Variants in LRMDA observed in about 807,000 individuals in gnomAD.
LRMDA encodes the protein leucine-rich melanocyte differentiation-associated protein.
LRMDA carries 18 observed loss-of-function variants against 29.8 expected under a neutral mutation model. The ratio of observed to expected loss-of-function variants is 0.60; its 90% confidence interval spans 0.42 to 0.90. LRMDA has a LOEUF of 0.90. LRMDA is among the 40% of genes least tolerant of loss of function. The pLI, the probability that LRMDA is intolerant of heterozygous loss-of-function variation, is 0.00. For missense variants in LRMDA, 273 were observed against 273.9 expected (o/e 1.00, Z 0.02); for synonymous variants, 125 against 109.4 (o/e 1.14, Z -0.89).
intron 2 of LRMDA, among the ~76,000 whole-genome samples, chr10:75,895,167 G>A (rs11001539): frequency 8.5e-5 from 13 of 152,248 alleles, no homozygotes; most frequent in African/African-American, 3.1e-4. Flanking sequence ...GTGAGTGTTT[G>A]GACTTTATTC....
At chr10:76,231,442 C>T (rs1402446320) in intron 5 of LRMDA, among the ~76,000 whole-genome samples, 1 of 152,186 alleles carries the variant, frequency 6.6e-6, no homozygotes, top group Non-Finnish European at 1.5e-5. Context: ...GCTTAATACA[C>T]AAGTGTGGAG....
intron 5 of LRMDA, among the ~76,000 whole-genome samples, chr10:76,323,243 G>A (rs1225591967): frequency 2.6e-5 from 4 of 151,956 alleles, no homozygotes; most frequent in Non-Finnish European, 4.4e-5. Flanking sequence ...TTAGTCAAAC[G>A]TCTCAAATGT....
At chr10:75,642,960 G>A (rs886976598) in intron 2 of LRMDA, 1 of 152,152 alleles carries the variant, frequency 6.6e-6, no homozygotes. Flanking sequence ...CTTGTCTCTG[G>A]TCCACAAGCT....
intron 2 of LRMDA, among the ~76,000 whole-genome samples, chr10:75,487,919 C>T (rs1263459749): frequency 6.6e-6 from 1 of 152,168 alleles, no homozygotes; most frequent in East Asian, 1.9e-4. Flanking sequence ...GCTACTTCTG[C>T]TATTTTTGAA....
At chr10:76,380,323 A>T (rs746054386) in intron 6 of LRMDA, among the ~76,000 whole-genome samples, 118 of 151,950 alleles carry the variant, frequency 7.8e-4, no homozygotes, top group Non-Finnish European at 9.9e-4. Context: ...TCTGTTTCTA[A>T]TGTTATTTTC....
chr10:75,934,623 A>T (rs1487056686), intron 2 of LRMDA, among the ~76,000 whole-genome samples: 1 of 152,086 alleles, frequency 6.6e-6, no homozygotes, highest in Middle Eastern at 3.2e-3. Flanking sequence ...GCTCCTGGCT[A>T]GTGGGGAAGA....
At chr10:76,047,985 C>T (rs1417135148) in intron 4 of LRMDA, among the ~76,000 whole-genome samples, 1 of 152,162 alleles carries the variant, frequency 6.6e-6, no homozygotes, top group Admixed American at 6.6e-5. Context: ...TTTAGAGAGT[C>T]TTTTTGGTCT....
intron 2 of LRMDA, among the ~76,000 whole-genome samples, chr10:75,465,802 T>C (rs1844643250): frequency 6.6e-6 from 1 of 152,222 alleles, no homozygotes; most frequent in South Asian, 2.1e-4. Context: ...TCTCTCAGTT[T>C]GGATTTTTAT....
chr10:76,094,198 C>A (rs1156457938), intron 5 of LRMDA, among the ~76,000 whole-genome samples: 2 of 152,170 alleles, frequency 1.3e-5, no homozygotes, highest in Non-Finnish European at 2.9e-5. Flanking sequence ...GACTCCAAAT[C>A]TTTCTCTCAA....
At chr10:76,383,451 T>A in intron 6 of LRMDA, among the ~76,000 whole-genome samples, 1 of 131,044 alleles carries the variant, frequency 7.6e-6, no homozygotes, top group African/African-American at 3.0e-5. Flanking sequence ...TGAGACGGAG[T>A]CTCGCTCTGT....
intron 2 of LRMDA, among the ~76,000 whole-genome samples, chr10:75,697,851 G>GTGTGTGTGTGCGCGCGCA (rs1842256494): frequency 2.0e-5 from 2 of 99,082 alleles, no homozygotes; most frequent in African/African-American, 1.1e-4. Context: ...GTGTGTGTGT[G>GTGTGTGTGTGCGCGCGCA]CGTGTGTGTG....
intron 2 of LRMDA, among the ~76,000 whole-genome samples, chr10:75,998,533 T>C (rs1348454990): frequency 6.6e-6 from 1 of 152,230 alleles, no homozygotes; most frequent in Non-Finnish European, 1.5e-5. Context: ...CAAGCATGTA[T>C]TGAGCCTTAT....
At chr10:75,712,288 C>T (rs1842445235) in intron 2 of LRMDA, among the ~76,000 whole-genome samples, 1 of 152,068 alleles carries the variant, frequency 6.6e-6, no homozygotes, top group African/African-American at 2.4e-5. Flanking sequence ...CCATTCCCCT[C>T]GATAGGAAAG....
chr10:76,512,058 T>G (rs1250818769), intron 6 of LRMDA, among the ~76,000 whole-genome samples: 1 of 152,208 alleles, frequency 6.6e-6, no homozygotes, highest in African/African-American at 2.4e-5. Context: ...ATTTGAATCA[T>G]GGGGATAGTT....
intron 2 of LRMDA, among the ~76,000 whole-genome samples, chr10:75,624,252 GA>G (rs1357115439): frequency 1.3e-5 from 2 of 152,094 alleles, no homozygotes; most frequent in Non-Finnish European, 2.9e-5. Flanking sequence ...GGGGTCAGTG[GA>G]AAAAATTCTT....
chr10:76,117,760 G>A (rs964161767), intron 5 of LRMDA, among the ~76,000 whole-genome samples: 3 of 152,200 alleles, frequency 2.0e-5, no homozygotes, highest in Non-Finnish European at 4.4e-5. Flanking sequence ...AACTTTGGCA[G>A]ACTGATCCAA....
rs544289977 is a variant in LRMDA at position 75,681,623 on chromosome 10, A to T, written c.131+243129A>T. ...TCTCATGGTGGATCAGTGGAGTACC[A>T]GAGCCACGCCAAATAGCACAAGCAC... On this transcript the variant is annotated intron_variant, in intron 2 of 6. Transcript: ENST00000611255. Among the ~76,000 whole-genome samples, 8 of 152,328 alleles carry T rather than the reference A, an allele frequency of 5.3e-5. No individual in the cohort carries two copies. In the South Asian group the frequency reaches 1.5e-3, roughly 28 times the overall value.
chr10:75,876,568 G>A (rs888033002), intron 2 of LRMDA, among the ~76,000 whole-genome samples: 10 of 152,110 alleles, frequency 6.6e-5, no homozygotes, highest in Admixed American at 5.9e-4. Flanking sequence ...AAGAGGTTAC[G>A]GAGTCCCAGG....
At chr10:75,472,605 G>T (rs1844739531) in intron 2 of LRMDA, among the ~76,000 whole-genome samples, 2 of 152,208 alleles carry the variant, frequency 1.3e-5, no homozygotes, top group South Asian at 4.1e-4. Context: ...TTATTGAGTT[G>T]CGTTATTGGA....
Sources: gnomAD v4.1 joint callset for allele counts (sites outside exome capture counted in the v4.1 genomes callset) on GRCh38, gnomAD v4.1.1 for gene constraint, MANE v1.5 for transcripts, NCBI Gene and HGNC (gene_info 2026-07-23, HGNC 2026-07-21) for gene names.